The following RTTN variants were observed in gnomAD, a reference collection of about 807,000 sequenced individuals.
RTTN encodes the protein rotatin.
In RTTN, 182 loss-of-function variants were observed where a neutral mutation model predicts 269.2. The observed-to-expected ratio is 0.68, with a 90% CI of 0.60 to 0.76. The LOEUF (loss-of-function observed/expected upper bound fraction) is 0.76, where lower values mean the gene tolerates loss of function less well. Ranked by LOEUF, RTTN falls within the 30% of genes least tolerant of loss-of-function variation. The probability of loss-of-function intolerance (pLI) is 0.00; values close to 1 mark genes in which losing one functional copy is unlikely to be tolerated. For missense variants in RTTN, 2,545 were observed against 2,608.6 expected (o/e 0.98, Z 0.53); for synonymous variants, 1,006 against 963.5 (o/e 1.04, Z -0.82).
chr18:70,116,252 C>T (rs1456073077), intron 26 of RTTN, among the ~76,000 whole-genome samples: 1 of 151,936 alleles, frequency 6.6e-6, no homozygotes. Flanking sequence ...TCTTGTAAAA[C>T]AATTTTATTA....
Position 70,088,064 on chromosome 18 carries a change from G to A in RTTN, c.4227C>T (p.Asn1409=). Residue 1409 remains asparagine, a synonymous_variant, in exon 31 of 49, where the codon AAC becomes AAT. Coordinates refer to ENST00000640769, the MANE Select transcript of RTTN (RefSeq NM_173630.4). The part of the protein sequence containing the change: ...GCVALANSCQ[N]ISGGLWGTVV... The stretch of plus-strand genomic sequence containing the variant: ...CAGTTCCCCAGAGCCCACCGGAAAT[G>A]TTCTGACAACTGTTTGCTAAGGCCA... The A allele has an allele frequency of 1.2e-6, 2 of 1,613,962 alleles. No homozygotes were observed. The highest frequency in any genetic ancestry group is 1.3e-5 in the African/African-American group (1 of 75,054).
At chr18:70,095,998 G>A (rs1468105744) in intron 28 of RTTN, among the ~76,000 whole-genome samples, 1 of 138,044 alleles carries the variant, frequency 7.2e-6, no homozygotes, top group Non-Finnish European at 1.6e-5. Context: ...ATTCCCTTTT[G>A]TTTTTTTTTT....
At position 70,081,448 on chromosome 18, in the gene RTTN, A is replaced by ATT; in HGVS notation, c.4374+5164_4374+5165insAA. On this transcript the variant is annotated intron_variant, in intron 32 of 48. Transcript: ENST00000640769. The stretch of plus-strand genomic sequence containing the variant: ...ACTGTAACTTTACAAAGGACAAAAC[A>ATT]GGCAGATTCTATCTTTACTAAGTAA... 3.3e-5 allele frequency among the ~76,000 whole-genome samples: 5 copies of ATT among 152,346 alleles called. No homozygotes were observed. The Middle Eastern group carries it at 0.017, about 518-fold the overall frequency.
At chr18:70,012,050 C>G (rs1427553348) in intron 46 of RTTN, among the ~76,000 whole-genome samples, 154 of 63,592 alleles carry the variant, frequency 2.4e-3, no homozygotes, top group Middle Eastern at 0.034. Context: ...GTATTGGTTA[C>G]AGGGCAGCGT....
At chr18:70,060,116 C>T in intron 35 of RTTN, 74 bp from the exon 36 acceptor site, 1 of 1,236,560 alleles carries the variant, frequency 8.1e-7, no homozygotes, top group Non-Finnish European at 1.1e-6. Flanking sequence ...TTCTTATAAT[C>T]ATAGGAAAGT....
In RTTN at chr18:70,197,629, C is replaced by A; in HGVS notation, c.688G>T (p.Val230Phe). ...AEIFLQRPKIVQSLLSLLKLA... is the reference protein window; with the variant it reads ...AEIFLQRPKIFQSLLSLLKLA... ...CAATTATAGAGGGCACTGACCTGAA[C>A]AATTTTTGGCCTTTGAAGGAAAATC... Residue 230 changes from valine to phenylalanine, a missense_variant, in exon 6 of 49, where the codon GTT (valine) becomes TTT (phenylalanine). Physicochemically the swap from Val to Phe is conservative, Grantham distance 50. Transcript: ENST00000640769. 1.2e-6 allele frequency: 2 copies of A among 1,605,070 alleles called. No individual in the cohort carries two copies. The highest frequency in any genetic ancestry group is 1.7e-6 in the Non-Finnish European group (2 of 1,171,790).
At chr18:70,018,704 C>T (rs1821015658) in intron 45 of RTTN, among the ~76,000 whole-genome samples, 1 of 152,086 alleles carries the variant, frequency 6.6e-6, no homozygotes, top group African/African-American at 2.4e-5. Context: ...CATGTGCTGT[C>T]ACTCACACCT....
intron 42 of RTTN, among the ~76,000 whole-genome samples, 154 bp from the exon 43 acceptor site, chr18:70,028,955 G>A (rs976544775): frequency 2.6e-5 from 4 of 152,118 alleles, no homozygotes; most frequent in Admixed American, 1.3e-4. Flanking sequence ...ACAGGCTAAC[G>A]ATCTCTGAAA....
rs563746638 is a variant in RTTN at position 70,022,940 on chromosome 18, G to A, written c.5950+1782C>T. 1.2e-4 allele frequency among the ~76,000 whole-genome samples: 18 copies of A among 152,188 alleles called. No homozygotes were observed. The South Asian group carries it at 3.7e-3, about 32-fold the overall frequency. The stretch of plus-strand genomic sequence containing the variant: ...CTGGGTAATCGCAAACAGCCACGTG[G>A]CTTTAAGTACAATCTACATGACAAT... On this transcript the variant is annotated intron_variant, in intron 44 of 48. Coordinates refer to ENST00000640769, the MANE Select transcript of RTTN (RefSeq NM_173630.4).
intron 21 of RTTN, 100 bp from the exon 22 acceptor site, chr18:70,135,380 C>A: frequency 1.4e-6 from 1 of 693,260 alleles, no homozygotes; most frequent in South Asian, 1.9e-5. Flanking sequence ...AGAAATGCAA[C>A]ATAAACCCAG....
chr18:70,184,446 G>A (rs1275365873), intron 10 of RTTN, among the ~76,000 whole-genome samples: 1 of 152,084 alleles, frequency 6.6e-6, no homozygotes. Flanking sequence ...TACTTGGGAG[G>A]CTGAAGCTGT....
At position 70,118,588 on chromosome 18, in the gene RTTN, G is replaced by A. The variant is rs544359903; in HGVS notation, c.3528+2968C>T. Among the ~76,000 whole-genome samples the A allele has an allele frequency of 8.5e-5, 13 of 152,062 alleles. No homozygotes were observed. The South Asian group carries it at 1.0e-3, about 12-fold the overall frequency. ...AATACTTCCAAACTCACTTTATGACGGCAGCATTACACTGATACCAAAGCC... is the reference window on the plus strand; with the variant it reads ...AATACTTCCAAACTCACTTTATGACAGCAGCATTACACTGATACCAAAGCC... On this transcript the variant is annotated intron_variant, in intron 26 of 48. Transcript: ENST00000640769.
chr18:70,124,118 G>T (rs139965360), intron 25 of RTTN, among the ~76,000 whole-genome samples: 1,870 of 151,882 alleles, frequency 0.012, 23 homozygotes, highest in South Asian at 0.038. Flanking sequence ...GGGGAATAGA[G>T]AAGAAATTAT....
At position 70,128,546 on chromosome 18, in the gene RTTN, C is replaced by A. The variant is rs1183552361; in HGVS notation, c.2955G>T (p.Arg985Ser). 6.2e-7 allele frequency: 1 copy of A among 1,609,780 alleles called. No individual in the cohort carries two copies. The highest frequency in any genetic ancestry group is 1.7e-5 in the Admixed American group (1 of 59,400). ...VFSLPVSVFR[R>S]YHLPVHVIGH... is the part of the protein sequence containing the mutation. ...CAATTACATGAACAGGTAGATGGTA[C>A]CTAAAGAAAATGTGTACAAATAATT... Residue 985 changes from arginine to serine, a missense_variant and splice_region_variant, in exon 24 of 49, where the codon AGG (arginine) becomes AGT (serine). By Grantham distance (110) the Arg-to-Ser change is moderately radical. Transcript: ENST00000640769.
chr18:70,202,094 A>G (rs756326053), intron 3 of RTTN, 111 bp from the exon 4 acceptor site: 18 of 625,148 alleles, frequency 2.9e-5, no homozygotes, highest in Non-Finnish European at 4.4e-5. Flanking sequence ...CATTTTAAAA[A>G]TTAAAAAAAA....
In RTTN at chr18:70,150,598, A is replaced by C. The variant is rs748715106; in HGVS notation, c.2055+10T>G. On this transcript the variant is annotated intron_variant, in intron 15 of 48. Transcript: ENST00000640769. Reference sequence around the variant, plus strand: ...TACTGTAATATTTTCACTCATGTTTAATGTCATACCTCACTTTCGGGCTCT... The same window carrying C: ...TACTGTAATATTTTCACTCATGTTTCATGTCATACCTCACTTTCGGGCTCT... 5 of 1,610,776 alleles carry C rather than the reference A, an allele frequency of 3.1e-6. No homozygotes were observed. Among genetic ancestry groups the C allele is most frequent in the East Asian group, 4.5e-5 (2 of 44,724 alleles).
chr18:70,159,620 C>T (rs568258420), intron 14 of RTTN, among the ~76,000 whole-genome samples: 73 of 152,036 alleles, frequency 4.8e-4, no homozygotes, highest in African/African-American at 1.7e-3. Context: ...AAAATTCACA[C>T]AAAAGATCGA....
Position 70,098,124 on chromosome 18 carries a change from G to A in RTTN, c.3904-5320C>T, listed in dbSNP as rs575141953. Among the ~76,000 whole-genome samples, 57 of 151,950 alleles carry A rather than the reference G, an allele frequency of 3.8e-4. 1 individual carries two copies. In the South Asian group the frequency reaches 0.01, roughly 28 times the overall value. On this transcript the variant is annotated intron_variant, in intron 28 of 48. Transcript: ENST00000640769. ...TTAATTTTTAAACTTTTAGGTTCAC[G>A]GGTAACGTGAATGTTTGTTACACAA...
At chr18:70,132,061 C>G (rs1332796316) in intron 23 of RTTN, 1 of 151,858 alleles carries the variant, frequency 6.6e-6, no homozygotes, top group Non-Finnish European at 1.5e-5. Context: ...CATAAGAGAT[C>G]GAGTGAATTC....
Sources: allele counts gnomAD v4.1 joint callset (sites outside exome capture counted in the v4.1 genomes callset), GRCh38; gene constraint gnomAD v4.1.1; transcripts MANE v1.5; gene names NCBI Gene and HGNC (gene_info 2026-07-23, HGNC 2026-07-21).